SS18L2: variants seen among roughly 807,000 people sequenced by gnomAD.
SS18L2 encodes SS18 like 2.
Under a neutral mutation model 10.3 loss-of-function variants are expected in SS18L2, and 8 were observed. The observed-to-expected ratio is 0.78, with a 90% confidence interval of 0.46 to 1.41. SS18L2 has a LOEUF of 1.41. Among genes scored for constraint, SS18L2 ranks in the 40% most tolerant of loss-of-function variants. The probability of loss-of-function intolerance (pLI) is 0.00; values close to 1 mark genes in which losing one functional copy is unlikely to be tolerated. For synonymous variants in SS18L2, 41 were observed against 34.6 expected (o/e 1.19, Z -0.65); for missense variants, 100 against 96.2 (o/e 1.04, Z -0.17).
Position 42,594,531 on chromosome 3 carries a change from A to G in SS18L2, c.*22A>G. 6.2e-7 allele frequency: 1 copy of G among 1,600,156 alleles called. No homozygotes were observed. Among genetic ancestry groups the G allele is most frequent in the Non-Finnish European group, 8.6e-7 (1 of 1,168,002 alleles). On this transcript the variant is annotated 3_prime_UTR_variant, in exon 3 of 3. Transcript: ENST00000011691. ...ATAATCTTTCAAAAGCAATAGAATA[A>G]TCTTCCATTTGGCTGTCGTGAGGAG...
At chr3:42,594,330 C>G in intron 2 of SS18L2, 92 bp from the exon 3 acceptor site, 1 of 894,644 alleles carries the variant, frequency 1.1e-6, no homozygotes, top group East Asian at 2.5e-5. Context: ...GTGGATGAGC[C>G]ATTCCACTAG....
chr3:42,584,100 C>G (rs894117416), intron 1 of SS18L2, among the ~76,000 whole-genome samples: 2 of 152,148 alleles, frequency 1.3e-5, no homozygotes, highest in Non-Finnish European at 2.9e-5. Flanking sequence ...GCCAGTTCCC[C>G]TAATAAATCC....
At chr3:42,588,612 G>A (rs779574815), upstream of SS18L2, among the ~76,000 whole-genome samples, 3 of 152,032 alleles carry the variant, frequency 2.0e-5, no homozygotes, top group African/African-American at 2.4e-5. Context: ...CATAAGATTG[G>A]TAAGCAAGTC....
At chr3:42,585,199 C>T (rs534969422) in intron 1 of SS18L2, among the ~76,000 whole-genome samples, 3 of 152,286 alleles carry the variant, frequency 2.0e-5, no homozygotes, top group South Asian at 2.1e-4. Context: ...ACTTGTGGTG[C>T]GAGTGCTTTA....
At chr3:42,586,998 C>T (rs1577367909), upstream of SS18L2, among the ~76,000 whole-genome samples, 1 of 152,168 alleles carries the variant, frequency 6.6e-6, no homozygotes, top group African/African-American at 2.4e-5. Flanking sequence ...TTTCCCTTTT[C>T]TTTCCCTCCC....
intron 1 of SS18L2, among the ~76,000 whole-genome samples, chr3:42,585,773 G>A (rs1704590352): frequency 6.6e-6 from 1 of 152,170 alleles, no homozygotes; most frequent in Non-Finnish European, 1.5e-5. Context: ...AAGTGCTGCT[G>A]GACAAAATCT....
At chr3:42,583,269 G>A (rs1258229545) in intron 1 of SS18L2, among the ~76,000 whole-genome samples, 2 of 152,236 alleles carry the variant, frequency 1.3e-5, no homozygotes, top group African/African-American at 2.4e-5. Flanking sequence ...CTGGGCAAGA[G>A]AGAATGGAGC....
At chr3:42,592,875 C>T (rs1241375116) in intron 2 of SS18L2, among the ~76,000 whole-genome samples, 1 of 152,146 alleles carries the variant, frequency 6.6e-6, no homozygotes, top group South Asian at 2.1e-4. Context: ...CTACCCCCCC[C>T]ACCGTAAACT....
chr3:42,587,420 A>G (rs1704647573), upstream of SS18L2: 1 of 152,004 alleles, frequency 6.6e-6, no homozygotes, highest in South Asian at 2.1e-4. Context: ...CCTGATAGAA[A>G]CTTTAATGAT....
chr3:42,592,495 C>T (rs1248381086), intron 2 of SS18L2, among the ~76,000 whole-genome samples: 2 of 152,152 alleles, frequency 1.3e-5, no homozygotes, highest in Admixed American at 6.5e-5. Context: ...CCACCACGGC[C>T]GACCTTATGC....
chr3:42,591,400 G>T, intron 1 of SS18L2, 125 bp from the exon 2 acceptor site: 1 of 700,380 alleles, frequency 1.4e-6, no homozygotes, highest in Non-Finnish European at 2.5e-6. Flanking sequence ...TCCCCATGTT[G>T]GCCAGGCTAG....
chr3:42,590,694 G>A, upstream of SS18L2: 6 of 628,010 alleles, frequency 9.6e-6, no homozygotes, highest in South Asian at 7.5e-5. Context: ...CTGCGCAAGC[G>A]CAAAGGATAC....
rs759754490 is a variant in SS18L2, at chr3:42,591,553, G to A, written c.98G>A (p.Arg33His). ...RLLEENDQLI[R>H]CIVEYQNKGR... is the part of the protein sequence containing the mutation. ...CTTGAGGAGAATGACCAGCTGATCC[G>A]CTGTATTGTGGAGTATCAGAACAAG... Residue 33 changes from arginine to histidine, a missense_variant, in exon 2 of 3, where the codon CGC becomes CAC. Arg to His is a conservative substitution (Grantham distance 29, BLOSUM62 0). Transcript: ENST00000011691. The A allele has an allele frequency of 1.5e-5, 24 of 1,613,842 alleles. No individual in the cohort carries two copies. Among genetic ancestry groups the A allele is most frequent in the Non-Finnish European group, 2.0e-5 (24 of 1,179,774 alleles).
Position 42,595,999 on chromosome 3 carries a change from CTTCT to C in SS18L2, c.*1493_*1496del, listed in dbSNP as rs753136067. Among the ~76,000 whole-genome samples the C allele has an allele frequency of 9.9e-5, 15 of 151,750 alleles. 1 individual carries two copies. Among genetic ancestry groups the C allele is most frequent in the Admixed American group, 5.3e-4 (8 of 15,222 alleles). ...CTCTGGCTCTTTCTTTTTTCTTTTTCTTCTTTTTTTTGGTTTTGTTTTGTTTTGT... is the reference window on the plus strand; with the variant it reads ...CTCTGGCTCTTTCTTTTTTCTTTTTCTTTTTTTGGTTTTGTTTTGTTTTGT... On this transcript the variant is annotated 3_prime_UTR_variant, in exon 3 of 3. Transcript: ENST00000011691.
intron 1 of SS18L2, 66 bp downstream of exon 1, chr3:42,591,032 C>G: frequency 6.6e-7 from 1 of 1,511,748 alleles, no homozygotes. Flanking sequence ...CTGCGGGGTG[C>G]GAGAAGCATC....
At chr3:42,590,660 A>T (rs1161754143), upstream of SS18L2, 2 of 596,060 alleles carry the variant, frequency 3.4e-6, no homozygotes, top group Non-Finnish European at 3.0e-6. Context: ...ACCCAGCCCC[A>T]ACCCACAAGT....
At chr3:42,594,024 T>C (rs879093002) in intron 2 of SS18L2, among the ~76,000 whole-genome samples, 2 of 151,692 alleles carry the variant, frequency 1.3e-5, no homozygotes, top group Admixed American at 1.3e-4. Flanking sequence ...TGTAGGGCCT[T>C]ATTAGGACAC....
upstream of SS18L2, among the ~76,000 whole-genome samples, chr3:42,588,873 G>A (rs1046768127): frequency 6.6e-6 from 1 of 152,086 alleles, no homozygotes; most frequent in Non-Finnish European, 1.5e-5. Context: ...AGCCTGATGT[G>A]GAGTTAACAG....
At chr3:42,591,412 C>T (rs1704834575) in intron 1 of SS18L2, 113 bp from the exon 2 acceptor site, 2 of 774,490 alleles carry the variant, frequency 2.6e-6, no homozygotes, top group African/African-American at 1.7e-5. Context: ...CCAGGCTAGT[C>T]TCGAACTCCT....
Sources: gnomAD v4.1 joint callset for allele counts (sites outside exome capture counted in the v4.1 genomes callset) on GRCh38, gnomAD v4.1.1 for gene constraint, MANE v1.5 for transcripts, NCBI Gene and HGNC (gene_info 2026-07-23, HGNC 2026-07-21) for gene names.